The following FOCAD variants were observed in gnomAD, a reference collection of about 807,000 sequenced individuals.
FOCAD encodes the protein focadhesin.
In FOCAD, 198 loss-of-function variants were observed where a neutral mutation model predicts 225.6. The ratio of observed to expected loss-of-function variants is 0.88; its 90% confidence interval spans 0.78 to 0.99. FOCAD has a LOEUF of 0.99. FOCAD is among the 50% of genes least tolerant of loss of function. The probability of loss-of-function intolerance (pLI) is 0.00; values close to 1 mark genes in which losing one functional copy is unlikely to be tolerated. For missense variants in FOCAD, 2,713 were observed against 2,123.6 expected (o/e 1.28, Z -5.46); for synonymous variants, 897 against 755.0 (o/e 1.19, Z -3.08).
At chr9:20,825,737 CT>C (rs1364998411) in intron 15 of FOCAD, among the ~76,000 whole-genome samples, 2 of 151,976 alleles carry the variant, frequency 1.3e-5, no homozygotes, top group African/African-American at 4.8e-5. Context: ...TCATGAAATT[CT>C]TTTGTCTTTG....
chr9:20,720,377 C>T lies in FOCAD; in HGVS notation c.133-3C>T. On this transcript the variant is annotated splice_polypyrimidine_tract_variant and splice_region_variant and intron_variant, in intron 3 of 43. Coordinates refer to ENST00000338382, the MANE Select transcript of FOCAD (RefSeq NM_001375567.1). ...TGTCTTCTAATCACTGGTTTGGTTTCAGACTCCTGCTTTGAACTTGCTGTG... is the reference window on the plus strand; with the variant it reads ...TGTCTTCTAATCACTGGTTTGGTTTTAGACTCCTGCTTTGAACTTGCTGTG... 6.2e-7 allele frequency: 1 copy of T among 1,613,622 alleles called. No individual in the cohort carries two copies. Among genetic ancestry groups the T allele is most frequent in the Non-Finnish European group, 8.5e-7 (1 of 1,179,702 alleles).
intron 21 of FOCAD, among the ~76,000 whole-genome samples, chr9:20,896,429 A>C (rs1242648350): frequency 1.3e-5 from 2 of 151,784 alleles, no homozygotes. Flanking sequence ...GACTGTTGGG[A>C]ATTGGTGTGA....
chr9:20,825,733 A>C (rs1050876692), intron 15 of FOCAD, among the ~76,000 whole-genome samples: 10 of 152,008 alleles, frequency 6.6e-5, no homozygotes, highest in African/African-American at 1.9e-4. Flanking sequence ...ATAATCATGA[A>C]ATTCTTTTGT....
chr9:20,733,029 CT>C (rs1342230286), intron 4 of FOCAD, among the ~76,000 whole-genome samples: 2 of 152,106 alleles, frequency 1.3e-5, no homozygotes, highest in South Asian at 2.1e-4. Flanking sequence ...TTGATATCCC[CT>C]GAACACATTA....
At chr9:20,839,263 T>TG (rs1243512635) in intron 15 of FOCAD, among the ~76,000 whole-genome samples, 1 of 149,952 alleles carries the variant, frequency 6.7e-6, no homozygotes, top group African/African-American at 2.5e-5. Context: ...TTCTTTCTTT[T>TG]TTTTTTTTTT....
chr9:20,892,312 C>G (rs1458267864), intron 21 of FOCAD, among the ~76,000 whole-genome samples: 4 of 152,092 alleles, frequency 2.6e-5, no homozygotes, highest in African/African-American at 7.2e-5. Flanking sequence ...TTTTGTAAGG[C>G]TATAGCTGGC....
chr9:20,764,669 A>G (rs923862920), intron 6 of FOCAD, among the ~76,000 whole-genome samples, 200 bp from the exon 7 acceptor site: 1 of 152,236 alleles, frequency 6.6e-6, no homozygotes, highest in Non-Finnish European at 1.5e-5. Flanking sequence ...CAGGTGTTGA[A>G]TAATTTTCCT....
intron 21 of FOCAD, among the ~76,000 whole-genome samples, chr9:20,900,352 C>T (rs955969767): frequency 1.3e-5 from 2 of 151,806 alleles, no homozygotes; most frequent in Non-Finnish European, 2.9e-5. Context: ...AAAACTTATC[C>T]AGACCTATTG....
chr9:20,982,388 C>A lies in FOCAD; in HGVS notation c.4670C>A (p.Ala1557Glu), dbSNP rs1840776015. The A allele has an allele frequency of 3.1e-6, 5 of 1,613,798 alleles. No homozygotes were observed. Among genetic ancestry groups the A allele is most frequent in the Non-Finnish European group, 4.2e-6 (5 of 1,179,794 alleles). The change falls in exon 39 of 44, where the codon GCA becomes GAA. Residue 1557 changes from alanine (A) to glutamate (E), a missense_variant. Transcript: ENST00000338382. ...GATCTAGAGCTGTATATCAGCATAG[C>A]AAAATGCCTCTTAGAAATGACAGAT... ...RKDLELYISI[A>E]KCLLEMTDDD...
chr9:20,764,892 T>C lies in FOCAD; in HGVS notation c.518T>C (p.Ile173Thr), dbSNP rs779608573. ...PERLEVSCIQ[I>T]MAPFLWYLYC... ...AGGTTAGAAGTTTCATGCATTCAAA[T>C]AATGGCACCATTTCTGTGGTATCTG... Residue 173 changes from isoleucine to threonine, a missense_variant, in exon 7 of 44, where the codon ATA (isoleucine) becomes ACA (threonine). Coordinates refer to ENST00000338382, the MANE Select transcript of FOCAD (RefSeq NM_001375567.1). 13 of 1,614,016 alleles carry C rather than the reference T, an allele frequency of 8.1e-6. No individual in the cohort carries two copies. Among genetic ancestry groups the C allele is most frequent in the Non-Finnish European group, 1.0e-5 (12 of 1,179,976 alleles).
At chr9:20,855,794 CTT>C (rs369187873) in intron 15 of FOCAD, among the ~76,000 whole-genome samples, 43 of 131,772 alleles carry the variant, frequency 3.3e-4, no homozygotes, top group African/African-American at 5.0e-4. Context: ...CCCCTATATT[CTT>C]TTTTTTTTTT....
intron 35 of FOCAD, among the ~76,000 whole-genome samples, chr9:20,975,682 A>C (rs1263103571): frequency 6.6e-6 from 1 of 152,210 alleles, no homozygotes; most frequent in African/African-American, 2.4e-5. Flanking sequence ...CAACGTGGAA[A>C]ATTTTTATCC....
intron 4 of FOCAD, among the ~76,000 whole-genome samples, chr9:20,735,443 C>A (rs529063274): frequency 1.3e-5 from 2 of 152,122 alleles, no homozygotes; most frequent in East Asian, 3.9e-4. Flanking sequence ...AGTCTACATG[C>A]TTTTTATTTC....
intron 3 of FOCAD, 105 bp from the exon 4 acceptor site, chr9:20,720,275 G>A (rs1461986270): frequency 1.7e-5 from 19 of 1,087,630 alleles, no homozygotes; most frequent in Non-Finnish European, 2.6e-5. Context: ...ATAAAGGAAA[G>A]CTAGCCTACT....
intron 15 of FOCAD, among the ~76,000 whole-genome samples, chr9:20,844,974 A>G (rs1323128074): frequency 1.3e-5 from 2 of 151,500 alleles, no homozygotes; most frequent in African/African-American, 2.4e-5. Context: ...TCATGTTTGT[A>G]TTTCTGTGAG....
At chr9:20,761,328 A>G (rs62557524) in intron 6 of FOCAD, among the ~76,000 whole-genome samples, 43,543 of 152,110 alleles carry the variant, frequency 0.29, 6,662 homozygotes, top group East Asian at 0.52. Context: ...ATAATTTTTC[A>G]GATGAGAGAA....
rs573940630 is a variant in FOCAD at position 20,664,177 on chromosome 9, C to G, written c.-78+5351C>G. On this transcript the variant is annotated intron_variant, in intron 2 of 45. Coordinates refer to the FOCAD transcript ENST00000380249. ...TCTATATTTAAATAACATATGTTTT[C>G]CTTTTAAAAAGTTCTATATTTCTAG... Among the ~76,000 whole-genome samples, 29 of 151,370 alleles carry G rather than the reference C, an allele frequency of 1.9e-4. 1 individual carries two copies. The highest frequency in any genetic ancestry group is 6.8e-4 in the African/African-American group (28 of 41,280).
chr9:20,768,650 GA>G (rs1817845223), intron 7 of FOCAD, among the ~76,000 whole-genome samples: 1 of 152,124 alleles, frequency 6.6e-6, no homozygotes, highest in African/African-American at 2.4e-5. Context: ...CACTAAGACA[GA>G]ATCACATTTA....
chr9:20,790,509 C>T (rs761590058), intron 11 of FOCAD, among the ~76,000 whole-genome samples: 4 of 152,178 alleles, frequency 2.6e-5, no homozygotes, highest in Non-Finnish European at 4.4e-5. Flanking sequence ...CAGTGACTTA[C>T]GCCTGTAATC....
Sources: gnomAD v4.1 joint callset for allele counts (sites outside exome capture counted in the v4.1 genomes callset) on GRCh38, gnomAD v4.1.1 for gene constraint, MANE v1.5 for transcripts, NCBI Gene and HGNC (gene_info 2026-07-23, HGNC 2026-07-21) for gene names.